Variants in LRP2 observed in about 807,000 individuals in gnomAD.
The protein encoded by LRP2 is LDL receptor related protein 2.
In LRP2, 172 loss-of-function variants were observed where a neutral mutation model predicts 531.0. That is an observed-to-expected ratio of 0.32 (90% CI 0.29 to 0.37). The LOEUF (loss-of-function observed/expected upper bound fraction) is 0.37, where lower values mean the gene tolerates loss of function less well. LRP2 is among the 10% of genes least tolerant of loss of function. The pLI is 1.00. For synonymous variants in LRP2, 1,992 were observed against 2,027.6 expected (o/e 0.98, Z 0.47); for missense variants, 5,167 against 5,868.3 (o/e 0.88, Z 3.90).
intron 50 of LRP2, among the ~76,000 whole-genome samples, chr2:169,185,229 T>C (rs769230014): frequency 3.1e-4 from 47 of 152,160 alleles, no homozygotes; most frequent in Non-Finnish European, 8.8e-5. Flanking sequence ...CTTCATATCA[T>C]CTCCAGTTAA....
chr2:169,159,297 T>C (rs1166242003), intron 63 of LRP2, among the ~76,000 whole-genome samples: 1 of 152,186 alleles, frequency 6.6e-6, no homozygotes, highest in Non-Finnish European at 1.5e-5. Flanking sequence ...ATCTATCTGT[T>C]TTCCATAGTA....
At chr2:169,339,053 A>C (rs1158238167) in intron 1 of LRP2, among the ~76,000 whole-genome samples, 4 of 151,854 alleles carry the variant, frequency 2.6e-5, no homozygotes, top group Non-Finnish European at 5.9e-5. Context: ...TTTTTAGGCC[A>C]GTGTTTTCTG....
Position 169,312,740 on chromosome 2 carries a change from G to A in LRP2, c.311-5343C>T, listed in dbSNP as rs192039259. 2.6e-3 allele frequency among the ~76,000 whole-genome samples: 399 copies of A among 152,222 alleles called. 2 individuals carry two copies. Among genetic ancestry groups the A allele is most frequent in the African/African-American group, 9.0e-3 (372 of 41,532 alleles). ...CATTCTCTGTATTTCCTGAATTTGA[G>A]TGTTGGCCTGCCTTGCTAGGTTGGG... is the stretch of plus-strand genomic sequence containing the variant. On this transcript the variant is annotated intron_variant, in intron 3 of 78. Coordinates refer to ENST00000649046, the MANE Select transcript of LRP2 (RefSeq NM_004525.3).
intron 1 of LRP2, among the ~76,000 whole-genome samples, chr2:169,354,071 A>G (rs776980771): frequency 6.6e-6 from 1 of 152,220 alleles, no homozygotes; most frequent in African/African-American, 2.4e-5. Flanking sequence ...CTCCTTGTTA[A>G]TGACATAAAA....
chr2:169,243,261 T>C (rs1439749415), intron 23 of LRP2, 142 bp downstream of exon 23: 5 of 1,021,142 alleles, frequency 4.9e-6, no homozygotes, highest in Non-Finnish European at 7.3e-6. Flanking sequence ...ACATTAGGTA[T>C]TTCTCCTAAT....
chr2:169,257,215 T>C lies in LRP2; in HGVS notation c.2548A>G (p.Lys850Glu). The C allele has an allele frequency of 6.2e-7, 1 of 1,612,970 alleles. No individual in the cohort carries two copies. The highest frequency in any genetic ancestry group is 8.5e-7 in the Non-Finnish European group (1 of 1,179,210). ...CCGTCACTCCATGCTCTCATAATTT[T>C]AGCAGGACGGAACCAATCAGTGAAG... ...LFFTDWFRPA[K>E]IMRAWSDGSH... Residue 850 changes from lysine (K) to glutamate (E), a missense_variant, in exon 18 of 79, where the codon AAA becomes GAA. By Grantham distance (56) the Lys-to-Glu change is moderately conservative (BLOSUM62 1). This residue lies in a region of LRP2 where 2,811 missense variants were observed against 3,058.0 expected (regional missense o/e 0.92). Coordinates refer to ENST00000649046, the MANE Select transcript of LRP2 (RefSeq NM_004525.3).
intron 1 of LRP2, among the ~76,000 whole-genome samples, chr2:169,328,460 A>AG (rs1204811596): frequency 1.6e-3 from 238 of 148,334 alleles, no homozygotes; most frequent in African/African-American, 5.0e-3. Flanking sequence ...AAAAAAAAAA[A>AG]AAAAGAAAAA....
intron 48 of LRP2, 39 bp downstream of exon 48, chr2:169,191,793 T>A: frequency 1.3e-6 from 2 of 1,580,292 alleles, no homozygotes; most frequent in South Asian, 2.2e-5. Flanking sequence ...CCCATGGACA[T>A]TTGAGGCATG....
rs943958501 is a variant in LRP2 at position 169,145,635 on chromosome 2, A to G, written c.12988+112T>C. On this transcript the variant is annotated intron_variant, in intron 70 of 78. Coordinates refer to ENST00000649046, the MANE Select transcript of LRP2 (RefSeq NM_004525.3). Reference sequence around the variant, plus strand: ...ACATACACATATACCCCTTTCATGCACCAAGAGATTAGCTTGTTGTTATCT... The same window carrying G: ...ACATACACATATACCCCTTTCATGCGCCAAGAGATTAGCTTGTTGTTATCT... 5 of 1,047,068 alleles carry G rather than the reference A, an allele frequency of 4.8e-6. No homozygotes were observed. The African/African-American group carries it at 7.8e-5, about 16-fold the overall frequency. 64.9% of individuals were successfully genotyped at this position (1,047,068 alleles called of 1,614,324 possible).
In LRP2 at chr2:169,176,542, G is replaced by A; in HGVS notation, c.10440C>T (p.Cys3480=). 6.2e-7 allele frequency: 1 copy of A among 1,614,184 alleles called. No homozygotes were observed. The highest frequency in any genetic ancestry group is 1.1e-5 in the South Asian group (1 of 91,084). The change falls in exon 54 of 79, where the codon TGC becomes TGT. Residue 3480 remains cysteine, a synonymous_variant. Transcript: ENST00000649046. ...ACCCTTTTCCTCCTGGCTTGATGAG[G>A]CAGAGATGAGAACAGCCACCATTGT... The part of the protein sequence containing the change: ...GTNNGGCSHL[C]LIKPGGKGFT...
rs1204484344 is a variant in LRP2, at chr2:169,202,893, T to C, written c.8072A>G (p.His2691Arg). The change falls in exon 43 of 79, where the codon CAC becomes CGC. Residue 2691 changes from histidine to arginine, a missense_variant. By Grantham distance (29) the His-to-Arg change is conservative (BLOSUM62 0). Around this residue, in one of 6 missense-constraint regions of LRP2, gnomAD observed 1,129 missense variants for 1,362.7 expected, o/e 0.83. Coordinates refer to ENST00000649046, the MANE Select transcript of LRP2 (RefSeq NM_004525.3). ...TCGTTCACCATTGTCCACAATGCAG[T>C]GCTTCCTGTTGTTGGCCAAATACCA... ...GNWYLANNRK[H>R]CIVDNGERCG... 1.2e-6 allele frequency: 2 copies of C among 1,614,226 alleles called. No homozygotes were observed. The highest frequency in any genetic ancestry group is 2.2e-5 in the South Asian group (2 of 91,076).
intron 3 of LRP2, among the ~76,000 whole-genome samples, chr2:169,318,129 T>C (rs1684815830): frequency 6.6e-6 from 1 of 152,094 alleles, no homozygotes; most frequent in East Asian, 1.9e-4. Context: ...GTTAGACCTA[T>C]TAAAACAGTC....
Position 169,175,315 on chromosome 2 carries a change from G to A in LRP2, c.10646C>T (p.Pro3549Leu), listed in dbSNP as rs199806925. The change falls in exon 55 of 79, where the codon CCG (proline) becomes CTG (leucine). Residue 3549 changes from proline (P) to leucine (L), a missense_variant. This residue lies in a region of LRP2 where 311 missense variants were observed against 309.4 expected (regional missense o/e 1.01). Transcript: ENST00000649046. ...CTGTCCCAGTCGGCAGAAGCGCTGC[G>A]GGCAAAGGGCCAGTTCATCAGAGCC... Reference protein sequence around the residue: ...SDGSDELALCPQRFCRLGQFQ... With the variant: ...SDGSDELALCLQRFCRLGQFQ... 3.5e-5 allele frequency: 57 copies of A among 1,614,176 alleles called. No homozygotes were observed. Among genetic ancestry groups the A allele is most frequent in the East Asian group, 4.5e-5 (2 of 44,882 alleles).
At chr2:169,301,977 C>G (rs1684296630) in intron 4 of LRP2, among the ~76,000 whole-genome samples, 1 of 152,124 alleles carries the variant, frequency 6.6e-6, no homozygotes, top group Non-Finnish European at 1.5e-5. Flanking sequence ...ACATCCATTA[C>G]TATTTTTAGG....
At position 169,138,668 on chromosome 2, in the gene LRP2, C is replaced by T. The variant is rs761326604; in HGVS notation, c.13427G>A (p.Gly4476Glu). The T allele has an allele frequency of 1.2e-6, 2 of 1,613,906 alleles. No homozygotes were observed. The highest frequency in any genetic ancestry group is 1.7e-5 in the Admixed American group (1 of 59,984). Reference sequence around the variant, plus strand: ...ATCTGCCCCTGATCTGAAGGTCACCCCATTCCCATTTTCAGAGGGCTTGAC... The same window carrying T: ...ATCTGCCCCTGATCTGAAGGTCACCTCATTCCCATTTTCAGAGGGCTTGAC... ...SLVKPSENGN[G>E]VTFRSGADLN... The change falls in exon 75 of 79, where the codon GGG becomes GAG. Residue 4476 changes from glycine (G) to glutamate (E), a missense_variant. Physicochemically the swap from Gly to Glu is moderately conservative, Grantham distance 98. Around this residue, in one of 6 missense-constraint regions of LRP2, gnomAD observed 348 missense variants for 369.3 expected, o/e 0.94. Transcript: ENST00000649046.
chr2:169,235,312 T>C (rs1689565159), intron 29 of LRP2, among the ~76,000 whole-genome samples: 1 of 150,794 alleles, frequency 6.6e-6, no homozygotes, highest in South Asian at 2.1e-4. Flanking sequence ...CAATCTCAGC[T>C]CACTGCAACC....
chr2:169,226,796 T>A (rs1689216667), intron 31 of LRP2, among the ~76,000 whole-genome samples: 1 of 152,196 alleles, frequency 6.6e-6, no homozygotes, highest in Non-Finnish European at 1.5e-5. Context: ...CAACCCCACA[T>A]ACAACGCTGT....
chr2:169,287,388 C>G (rs1683886372), intron 9 of LRP2, among the ~76,000 whole-genome samples: 1 of 152,056 alleles, frequency 6.6e-6, no homozygotes, highest in East Asian at 1.9e-4. Context: ...ATTAGATGGG[C>G]AACTTTGGGA....
At chr2:169,182,598 T>C in intron 50 of LRP2, 2 of 1,314,632 alleles carry the variant, frequency 1.5e-6, no homozygotes, top group Non-Finnish European at 2.0e-6. Flanking sequence ...TTTACTTTCC[T>C]CATGCAGCAT....
Sources: allele counts gnomAD v4.1 joint callset (sites outside exome capture counted in the v4.1 genomes callset), GRCh38; gene constraint gnomAD v4.1.1; regional missense constraint gnomAD v4.1.1; transcripts MANE v1.5; gene names NCBI Gene and HGNC (gene_info 2026-07-23, HGNC 2026-07-21).